VPS13B: variants seen among roughly 807,000 people sequenced by gnomAD.
VPS13B encodes the protein intermembrane lipid transfer protein VPS13B.
VPS13B carries 285 observed loss-of-function variants against 426.4 expected under a neutral mutation model. The ratio of observed to expected loss-of-function variants is 0.67; its 90% CI spans 0.61 to 0.74. The LOEUF is 0.74. VPS13B is among the 30% of genes least tolerant of loss of function. The probability of loss-of-function intolerance (pLI) is 0.00; values close to 1 mark genes in which losing one functional copy is unlikely to be tolerated. For missense variants in VPS13B, 4,537 were observed against 4,782.6 expected, an observed-to-expected ratio of 0.95 and a Z score of 1.51; for synonymous variants, 1,676 against 1,676.4, an observed-to-expected ratio of 1.00 and a Z score of 0.01.
At chr8:99,693,286 A>G (rs1371911555) in intron 35 of VPS13B, among the ~76,000 whole-genome samples, 2 of 150,336 alleles carry the variant, frequency 1.3e-5, no homozygotes, top group Non-Finnish European at 3.0e-5. Flanking sequence ...CATTGATGCA[A>G]AAATCCTCAG....
At chr8:99,665,731 A>G (rs918233946) in intron 35 of VPS13B, among the ~76,000 whole-genome samples, 6 of 152,116 alleles carry the variant, frequency 3.9e-5, no homozygotes, top group Non-Finnish European at 4.4e-5. Flanking sequence ...GCCTTGTAGT[A>G]TAGTTTGAAG....
chr8:99,532,580 C>T (rs1822987542), intron 30 of VPS13B, among the ~76,000 whole-genome samples: 1 of 151,992 alleles, frequency 6.6e-6, no homozygotes, highest in South Asian at 2.1e-4. Context: ...TGTTTTCCAT[C>T]TGCTTATTGC....
chr8:99,212,164 G>T (rs1815128235), intron 17 of VPS13B, among the ~76,000 whole-genome samples: 1 of 152,158 alleles, frequency 6.6e-6, no homozygotes, highest in Non-Finnish European at 1.5e-5. Context: ...CAGTTCTGAG[G>T]TTACAGGCAT....
At chr8:99,015,276 G>A (rs542676514) in intron 2 of VPS13B, among the ~76,000 whole-genome samples, 197 of 149,126 alleles carry the variant, frequency 1.3e-3, no homozygotes, top group African/African-American at 4.6e-3. Context: ...GAGTGCAGTG[G>A]CACGATCTCG....
At chr8:99,334,677 A>G (rs1189829222) in intron 19 of VPS13B, among the ~76,000 whole-genome samples, 2 of 152,124 alleles carry the variant, frequency 1.3e-5, no homozygotes, top group Non-Finnish European at 2.9e-5. Context: ...CGTATATTGA[A>G]CCAGCCTTGC....
chr8:99,255,778 T>C (rs75586305), intron 17 of VPS13B, among the ~76,000 whole-genome samples: 3,289 of 152,228 alleles, frequency 0.022, 129 homozygotes, highest in African/African-American at 0.075. Context: ...TGGTATGTTA[T>C]TGCCGCAGGT....
intron 21 of VPS13B, among the ~76,000 whole-genome samples, chr8:99,408,181 T>C (rs557531109): frequency 5.3e-5 from 8 of 152,316 alleles, no homozygotes; most frequent in Admixed American, 3.9e-4. Flanking sequence ...TTTAAGGGTT[T>C]TGAGTAGAGG....
chr8:99,733,769 T>A (rs193230457), intron 39 of VPS13B, among the ~76,000 whole-genome samples: 81 of 152,322 alleles, frequency 5.3e-4, no homozygotes, highest in Non-Finnish European at 7.6e-4. Flanking sequence ...CTTTATTACC[T>A]TAGATGTTTT....
intron 30 of VPS13B, among the ~76,000 whole-genome samples, chr8:99,539,339 A>G (rs1823429614): frequency 6.6e-6 from 1 of 152,204 alleles, no homozygotes; most frequent in Non-Finnish European, 1.5e-5. Flanking sequence ...AATAAGAATG[A>G]TGTATGATTA....
At chr8:99,599,085 C>A (rs747681428) in intron 33 of VPS13B, among the ~76,000 whole-genome samples, 1 of 151,916 alleles carries the variant, frequency 6.6e-6, no homozygotes, top group Non-Finnish European at 1.5e-5. Flanking sequence ...TAAAGAACTA[C>A]ATAAAACACT....
intron 33 of VPS13B, among the ~76,000 whole-genome samples, chr8:99,622,880 A>G (rs1401131026): frequency 2.0e-5 from 3 of 152,184 alleles, no homozygotes; most frequent in Admixed American, 2.0e-4. Context: ...TTGACTTCTT[A>G]TCACTACCTT....
chr8:99,831,001 G>T (rs148239683), intron 51 of VPS13B, among the ~76,000 whole-genome samples: 1 of 151,496 alleles, frequency 6.6e-6, no homozygotes, highest in Non-Finnish European at 1.5e-5. Context: ...TCCACCTTCT[G>T]TGTTGGTCTC....
intron 42 of VPS13B, among the ~76,000 whole-genome samples, chr8:99,780,138 G>C (rs992245373): frequency 2.0e-5 from 3 of 151,904 alleles, no homozygotes; most frequent in African/African-American, 7.3e-5. Flanking sequence ...TGGTTTTCTT[G>C]TTGCAAAGGA....
chr8:99,752,958 T>C (rs1005008914), intron 39 of VPS13B, among the ~76,000 whole-genome samples: 2 of 152,206 alleles, frequency 1.3e-5, no homozygotes. Context: ...GGAGTCAGTA[T>C]GACAAGGTGA....
At chr8:99,555,729 T>A (rs1824526672) in intron 30 of VPS13B, among the ~76,000 whole-genome samples, 1 of 152,166 alleles carries the variant, frequency 6.6e-6, no homozygotes, top group Admixed American at 6.6e-5. Flanking sequence ...TGTATTTACT[T>A]CCTTTAATTT....
chr8:99,378,143 C>CCA (rs1488962294), intron 19 of VPS13B, among the ~76,000 whole-genome samples: 1 of 140,166 alleles, frequency 7.1e-6, no homozygotes, highest in African/African-American at 2.7e-5. Flanking sequence ...AGCCCCCCCC[C>CCA]CCCGGAATGC....
At chr8:99,093,346 A>T (rs1729090080) in intron 3 of VPS13B, among the ~76,000 whole-genome samples, 1 of 151,884 alleles carries the variant, frequency 6.6e-6, no homozygotes, top group South Asian at 2.1e-4. Flanking sequence ...AAGCACCTCA[A>T]ATTTGGAAAT....
chr8:99,078,357 G>A (rs1333008478), intron 3 of VPS13B, among the ~76,000 whole-genome samples: 1 of 150,664 alleles, frequency 6.6e-6, no homozygotes, highest in African/African-American at 2.4e-5. Flanking sequence ...TGTTGCTTTT[G>A]TAGGGTGCTT....
At chr8:99,433,061 T>C (rs759742648) in intron 22 of VPS13B, among the ~76,000 whole-genome samples, 1 of 152,226 alleles carries the variant, frequency 6.6e-6, no homozygotes, top group Non-Finnish European at 1.5e-5. Flanking sequence ...TCAATTAAGC[T>C]AACCCTAGAA....
Sources: gnomAD v4.1 joint callset for allele counts (sites outside exome capture counted in the v4.1 genomes callset) on GRCh38, gnomAD v4.1.1 for gene constraint, MANE v1.5 for transcripts, NCBI Gene and HGNC (gene_info 2026-07-23, HGNC 2026-07-21) for gene names.